Variants in FGGY observed in about 807,000 individuals in gnomAD.
FGGY encodes the protein FGGY carbohydrate kinase domain containing.
Under a neutral mutation model 71.3 loss-of-function variants are expected in FGGY, and 72 were observed. The observed-to-expected ratio is 1.01, with a 90% CI of 0.84 to 1.23. The LOEUF is 1.23. FGGY is among the 50% of genes most tolerant of loss of function. FGGY has a pLI of 0.00. For synonymous variants in FGGY, 251 were observed against 250.3 expected (o/e 1.00, Z -0.02); for missense variants, 668 against 682.3 (o/e 0.98, Z 0.23).
At chr1:59,443,124 CAGTAT>C (rs1332266545) in intron 5 of FGGY, among the ~76,000 whole-genome samples, 2 of 152,136 alleles carry the variant, frequency 1.3e-5, no homozygotes, top group Non-Finnish European at 2.9e-5. Flanking sequence ...GGCTACACTA[CAGTAT>C]AGTATAGTTA....
Position 59,319,492 on chromosome 1 carries a change from A to G in FGGY, c.-14-2044A>G, listed in dbSNP as rs74085538. 5.3e-3 allele frequency among the ~76,000 whole-genome samples: 810 copies of G among 152,290 alleles called. 6 individuals carry two copies. Among genetic ancestry groups the G allele is most frequent in the African/African-American group, 0.018 (760 of 41,554 alleles). On this transcript the variant is annotated intron_variant, in intron 1 of 15. Transcript: ENST00000303721. ...AGTTTTAAAAGAAAGCAGGGAGAAG[A>G]TACCATGTTGGCATCCTTTGTATGT...
At chr1:59,425,840 A>G (rs1414720449) in intron 5 of FGGY, among the ~76,000 whole-genome samples, 3 of 152,192 alleles carry the variant, frequency 2.0e-5, no homozygotes, top group South Asian at 2.1e-4. Flanking sequence ...TCAGAAAATC[A>G]GCTGACTCCT....
chr1:59,641,322 C>CACTCTCCCAGTTCTCT, intron 11 of FGGY: 1 of 1,611,404 alleles, frequency 6.2e-7, no homozygotes, highest in Non-Finnish European at 8.5e-7. Context: ...GGCAGCGTTG[C>CACTCTCCCAGTTCTCT]ACTCTCCCAG....
At chr1:59,299,847 T>C (rs1285277769) in intron 1 of FGGY, among the ~76,000 whole-genome samples, 1 of 152,008 alleles carries the variant, frequency 6.6e-6, no homozygotes, top group Non-Finnish European at 1.5e-5. Context: ...GAAAAATGGT[T>C]ATGGCAGAGC....
At chr1:59,676,349 G>A (rs983133797) in intron 14 of FGGY, among the ~76,000 whole-genome samples, 6 of 151,834 alleles carry the variant, frequency 4.0e-5, no homozygotes, top group East Asian at 1.9e-4. Context: ...TAATTTGTTC[G>A]ATTTGTTTTT....
intron 7 of FGGY, among the ~76,000 whole-genome samples, chr1:59,522,753 A>G (rs2094870834): frequency 6.6e-6 from 1 of 152,174 alleles, no homozygotes. Flanking sequence ...GAGGAGGTGA[A>G]GGGATTTGCC....
intron 4 of FGGY, among the ~76,000 whole-genome samples, chr1:59,347,303 G>A (rs914524086): frequency 3.0e-5 from 4 of 134,120 alleles, no homozygotes; most frequent in Admixed American, 9.0e-5. Flanking sequence ...GTGTCCATGT[G>A]TTCTCATTGT....
chr1:59,345,692 C>T (rs1393239881), intron 3 of FGGY, among the ~76,000 whole-genome samples: 1 of 151,364 alleles, frequency 6.6e-6, no homozygotes, highest in Non-Finnish European at 1.5e-5. Context: ...GCTTCCCACG[C>T]CAGCAAACAA....
chr1:59,433,263 A>G lies in FGGY; in HGVS notation c.555-23698A>G, dbSNP rs188093049. 3.3e-5 allele frequency among the ~76,000 whole-genome samples: 5 copies of G among 152,338 alleles called. No homozygotes were observed. The East Asian group carries it at 7.7e-4, about 24-fold the overall frequency. On this transcript the variant is annotated intron_variant, in intron 5 of 15. Coordinates refer to ENST00000303721, the MANE Select transcript of FGGY (RefSeq NM_018291.5). ...ACCCGCAGCCAGATAAACCAAAAATATCTCCATGCATTGCCAGCTATCTGC... is the reference window on the plus strand; with the variant it reads ...ACCCGCAGCCAGATAAACCAAAAATGTCTCCATGCATTGCCAGCTATCTGC...
intron 2 of FGGY, among the ~76,000 whole-genome samples, chr1:59,333,656 T>C (rs1179631911): frequency 6.6e-6 from 1 of 152,200 alleles, no homozygotes; most frequent in African/African-American, 2.4e-5. Context: ...CTGTAAATGC[T>C]ATAGAAACAT....
intron 5 of FGGY, among the ~76,000 whole-genome samples, chr1:59,385,605 G>C (rs1264752990): frequency 2.7e-5 from 4 of 146,470 alleles, no homozygotes; most frequent in Non-Finnish European, 6.1e-5. Flanking sequence ...TTGAATAGTA[G>C]GAATTTTTTA....
At chr1:59,557,051 G>T (rs574350495) in intron 8 of FGGY, among the ~76,000 whole-genome samples, 5 of 152,232 alleles carry the variant, frequency 3.3e-5, no homozygotes, top group Admixed American at 2.6e-4. Context: ...TGGTCATGCT[G>T]GCATGGGAAA....
chr1:59,388,974 G>T (rs1158672905), intron 5 of FGGY, among the ~76,000 whole-genome samples: 2 of 151,836 alleles, frequency 1.3e-5, no homozygotes, highest in East Asian at 3.9e-4. Context: ...TTTAGACAGG[G>T]TCTTGCTCTG....
intron 14 of FGGY, among the ~76,000 whole-genome samples, chr1:59,697,330 C>A (rs1030631204): frequency 6.6e-6 from 1 of 152,134 alleles, no homozygotes; most frequent in African/African-American, 2.4e-5. Context: ...GAAACTTTAC[C>A]CGTTAAACAA....
At chr1:59,754,356 T>C (rs2098272436) in intron 14 of FGGY, among the ~76,000 whole-genome samples, 1 of 152,156 alleles carries the variant, frequency 6.6e-6, no homozygotes, top group Non-Finnish European at 1.5e-5. Context: ...ACTACTCTTC[T>C]CTTAATTCCT....
chr1:59,484,682 A>G (rs928881226), intron 6 of FGGY, among the ~76,000 whole-genome samples: 43 of 152,332 alleles, frequency 2.8e-4, no homozygotes, highest in African/African-American at 1.0e-3. Context: ...TTGATAATCC[A>G]TAATTAATAT....
intron 14 of FGGY, among the ~76,000 whole-genome samples, chr1:59,687,491 C>T (rs1269211091): frequency 6.6e-6 from 1 of 151,290 alleles, no homozygotes; most frequent in Non-Finnish European, 1.5e-5. Flanking sequence ...TTTTGAGACA[C>T]AGTCTCACTC....
Position 59,583,508 on chromosome 1 carries a change from A to T in FGGY, c.904-24295A>T, listed in dbSNP as rs1314951060. On this transcript the variant is annotated intron_variant, in intron 8 of 15. Transcript: ENST00000303721. ...CTTTTCTATTTATGGAGGTATCTTGAGGATTGGTTGAAGTAGTGAGCATGA... is the reference window on the plus strand; with the variant it reads ...CTTTTCTATTTATGGAGGTATCTTGTGGATTGGTTGAAGTAGTGAGCATGA... 2.1e-5 allele frequency among the ~76,000 whole-genome samples: 3 copies of T among 143,166 alleles called. 1 individual carries two copies. Among genetic ancestry groups the T allele is most frequent in the African/African-American group, 8.2e-5 (3 of 36,502 alleles). The allele number at this position is 143,166 out of a possible 152,430, so 93.9% of individuals were successfully genotyped here. A position where few individuals can be genotyped will look rare whatever the true frequency, so the allele number is the denominator to read the frequency against.
intron 8 of FGGY, among the ~76,000 whole-genome samples, chr1:59,591,594 T>C (rs1427438368): frequency 1.3e-5 from 2 of 152,072 alleles, no homozygotes; most frequent in African/African-American, 2.4e-5. Flanking sequence ...AACAGAGATA[T>C]AGACCAATGT....
Sources: allele counts gnomAD v4.1 joint callset (sites outside exome capture counted in the v4.1 genomes callset), GRCh38; gene constraint gnomAD v4.1.1; transcripts MANE v1.5; gene names NCBI Gene and HGNC (gene_info 2026-07-23, HGNC 2026-07-21).